DRD3: variants seen among roughly 807,000 people sequenced by gnomAD.
DRD3 encodes D(3) dopamine receptor.
Under a neutral mutation model 36.3 loss-of-function variants are expected in DRD3, and 19 were observed. The observed-to-expected ratio is 0.52, with a 90% CI of 0.36 to 0.77. The LOEUF is 0.77. DRD3 is among the 30% of genes least tolerant of loss of function. The probability of loss-of-function intolerance (pLI) is 0.00; values close to 1 mark genes in which losing one functional copy is unlikely to be tolerated. For missense variants in DRD3, 465 were observed against 505.3 expected, an observed-to-expected ratio of 0.92 and a Z score of 0.77; for synonymous variants, 195 against 203.7, an observed-to-expected ratio of 0.96 and a Z score of 0.36.
chr3:114,182,190 T>A (rs2077951785), upstream of DRD3, among the ~76,000 whole-genome samples: 1 of 152,178 alleles, frequency 6.6e-6, no homozygotes, highest in Middle Eastern at 3.2e-3. Flanking sequence ...GGTTATTTCT[T>A]CTCAACCTTA....
chr3:114,163,912 T>C (rs543718310), intron 2 of DRD3, among the ~76,000 whole-genome samples: 2 of 152,190 alleles, frequency 1.3e-5, no homozygotes, highest in Admixed American at 1.3e-4. Flanking sequence ...GGCAAAATGA[T>C]TTTTGAAATT....
At chr3:114,161,905 T>TA (rs892949609) in intron 2 of DRD3, among the ~76,000 whole-genome samples, 1 of 152,184 alleles carries the variant, frequency 6.6e-6, no homozygotes, top group Non-Finnish European at 1.5e-5. Context: ...TTAAATTGGG[T>TA]AAAAAAACAC....
Position 114,131,107 on chromosome 3 carries a change from C to T in DRD3, c.1006+11G>A, listed in dbSNP as rs1460690859. On this transcript the variant is annotated intron_variant, in intron 6 of 6. Coordinates refer to ENST00000383673, the MANE Select transcript of DRD3 (RefSeq NM_000796.6). ...CCCAACCCAACACAGCTCAAGCCAA[C>T]CCAAACTTACCAAGCACAATGGCCA... The T allele has an allele frequency of 6.2e-7, 1 of 1,610,960 alleles. No homozygotes were observed. Among genetic ancestry groups the T allele is most frequent in the Non-Finnish European group, 8.5e-7 (1 of 1,177,660 alleles).
At chr3:114,149,008 C>G (rs1327924006) in intron 3 of DRD3, among the ~76,000 whole-genome samples, 1 of 152,184 alleles carries the variant, frequency 6.6e-6, no homozygotes, top group Non-Finnish European at 1.5e-5. Flanking sequence ...GCACTGTGCT[C>G]AGCCTTGGTC....
chr3:114,133,056 T>C (rs2077444779), intron 5 of DRD3, among the ~76,000 whole-genome samples: 1 of 151,752 alleles, frequency 6.6e-6, no homozygotes, highest in Admixed American at 6.6e-5. Flanking sequence ...AGTGGTGTGA[T>C]CTCGGTTCAC....
chr3:114,170,551 A>G (rs1401791463), intron 2 of DRD3, among the ~76,000 whole-genome samples: 1 of 152,208 alleles, frequency 6.6e-6, no homozygotes, highest in Non-Finnish European at 1.5e-5. Context: ...CTTTAGATCT[A>G]CACAGCCTAG....
chr3:114,129,428 C>A (rs1291496891), intron 6 of DRD3, among the ~76,000 whole-genome samples: 1 of 152,190 alleles, frequency 6.6e-6, no homozygotes, highest in Admixed American at 6.5e-5. Flanking sequence ...AAACTGCATG[C>A]TAATGTCTTT....
rs1420625386 is a variant in DRD3, at chr3:114,169,148, A to G, written c.270+2575T>C. On this transcript the variant is annotated intron_variant, in intron 2 of 6. Coordinates refer to ENST00000383673, the MANE Select transcript of DRD3 (RefSeq NM_000796.6). Reference sequence around the variant, plus strand: ...AATACTTTGCTTCTTCTTGAGGAACATGGATTTATGTATTCATAGCCCATA... The same window carrying G: ...AATACTTTGCTTCTTCTTGAGGAACGTGGATTTATGTATTCATAGCCCATA... 4.6e-5 allele frequency among the ~76,000 whole-genome samples: 7 copies of G among 151,938 alleles called. No individual in the cohort carries two copies. The East Asian group carries it at 9.8e-4, about 21-fold the overall frequency.
At chr3:114,189,669 G>C (rs919993041) in intron 1 of DRD3, among the ~76,000 whole-genome samples, 9 of 152,182 alleles carry the variant, frequency 5.9e-5, no homozygotes, top group Non-Finnish European at 1.0e-4. Flanking sequence ...TTTTTAGATA[G>C]AGCATGCACC....
chr3:114,130,389 T>C (rs905639015), intron 6 of DRD3, among the ~76,000 whole-genome samples: 1 of 152,104 alleles, frequency 6.6e-6, no homozygotes, highest in African/African-American at 2.4e-5. Flanking sequence ...GTGAATTTCT[T>C]TCCAGTCTTT....
intron 1 of DRD3, among the ~76,000 whole-genome samples, chr3:114,197,859 A>C (rs1041862969): frequency 9.9e-5 from 15 of 152,210 alleles, no homozygotes; most frequent in African/African-American, 3.6e-4. Context: ...TATGTCTTCA[A>C]GTCAGGTGAT....
At chr3:114,186,016 TA>T (rs1167040928) in intron 1 of DRD3, among the ~76,000 whole-genome samples, 3 of 152,148 alleles carry the variant, frequency 2.0e-5, no homozygotes, top group Non-Finnish European at 4.4e-5. Context: ...TTTACTACTT[TA>T]AAAAAATGTT....
At chr3:114,168,632 G>A (rs2077809576) in intron 2 of DRD3, among the ~76,000 whole-genome samples, 1 of 152,034 alleles carries the variant, frequency 6.6e-6, no homozygotes, top group South Asian at 2.1e-4. Context: ...TGGTGCTGGG[G>A]GCTATGGCAA....
At chr3:114,180,988 G>A (rs557210724), upstream of DRD3, among the ~76,000 whole-genome samples, 3 of 152,124 alleles carry the variant, frequency 2.0e-5, no homozygotes, top group South Asian at 2.1e-4. Flanking sequence ...AGTATCCTAT[G>A]TTTATTTTCT....
upstream of DRD3, among the ~76,000 whole-genome samples, chr3:114,183,822 TTC>T (rs2077960702): frequency 1.3e-5 from 2 of 152,134 alleles, no homozygotes; most frequent in African/African-American, 4.8e-5. Context: ...TGTTTTCTTT[TTC>T]TCTTTTTTAT....
chr3:114,165,859 C>T (rs1264928974), intron 2 of DRD3, among the ~76,000 whole-genome samples: 3 of 151,864 alleles, frequency 2.0e-5, no homozygotes, highest in Admixed American at 1.3e-4. Context: ...TCCCAAATGT[C>T]GTAGCAGATG....
chr3:114,169,707 C>G (rs1232190578), intron 2 of DRD3, among the ~76,000 whole-genome samples: 2 of 152,204 alleles, frequency 1.3e-5, no homozygotes, highest in East Asian at 3.9e-4. Flanking sequence ...CTCACCTGCC[C>G]TTCTATGCTC....
chr3:114,132,821 T>G (rs927892064), intron 5 of DRD3, among the ~76,000 whole-genome samples: 1 of 152,204 alleles, frequency 6.6e-6, no homozygotes, highest in African/African-American at 2.4e-5. Flanking sequence ...ACTTACCAGT[T>G]GCAAAATATG....
intron 2 of DRD3, among the ~76,000 whole-genome samples, chr3:114,160,409 G>C (rs1429663657): frequency 1.3e-5 from 2 of 152,050 alleles, no homozygotes; most frequent in East Asian, 3.9e-4. Flanking sequence ...ACCAAGCTGG[G>C]CTAAAATCTT....
Sources: gnomAD v4.1 joint callset for allele counts (sites outside exome capture counted in the v4.1 genomes callset) on GRCh38, gnomAD v4.1.1 for gene constraint, MANE v1.5 for transcripts, NCBI Gene and HGNC (gene_info 2026-07-23, HGNC 2026-07-21) for gene names.